Variants in PANK1 observed in about 807,000 individuals in gnomAD.
PANK1 encodes the protein pantothenic acid kinase 1.
In PANK1, 18 loss-of-function variants were observed where a neutral mutation model predicts 40.1. That is an observed-to-expected ratio of 0.45 (90% CI 0.31 to 0.67). The LOEUF is 0.67. Ranked by LOEUF, PANK1 falls within the 30% of genes least tolerant of loss-of-function variation. The pLI is 0.06. For missense variants in PANK1, 457 were observed against 599.6 expected, an observed-to-expected ratio of 0.76 and a Z score of 2.48; for synonymous variants, 242 against 237.7, an observed-to-expected ratio of 1.02 and a Z score of -0.17.
chr10:89,611,264 T>C (rs7091402), intron 2 of PANK1, among the ~76,000 whole-genome samples: 82,620 of 152,082 alleles, frequency 0.54, 23,321 homozygotes, highest in South Asian at 0.63. Flanking sequence ...AATGGGTAGA[T>C]AGAAGTAATC....
chr10:89,618,916 T>G lies in PANK1; in HGVS notation c.293-6868A>C, dbSNP rs1206783828. Among the ~76,000 whole-genome samples the G allele has an allele frequency of 2.6e-5, 4 of 152,240 alleles. No individual in the cohort carries two copies. In the East Asian group the frequency reaches 7.7e-4, roughly 29 times the overall value. On this transcript the variant is annotated intron_variant, in intron 1 of 6. Coordinates refer to ENST00000307534, the MANE Select transcript of PANK1 (RefSeq NM_148977.3). ...TGTAAGAAATAAACTTTTGTTGTTTTAAGCCAGAGAGATTTGAGGGTTATT... is the reference window on the plus strand; with the variant it reads ...TGTAAGAAATAAACTTTTGTTGTTTGAAGCCAGAGAGATTTGAGGGTTATT...
At chr10:89,643,593 A>T in intron 1 of PANK1, 1 of 859,126 alleles carries the variant, frequency 1.2e-6, no homozygotes, top group East Asian at 2.5e-5. Context: ...TTTGCCAAAC[A>T]TTAAACTTTC....
chr10:89,593,405 C>G (rs114802049), intron 4 of PANK1, 85 bp from the exon 5 acceptor site: 1 of 1,450,468 alleles, frequency 6.9e-7, no homozygotes, highest in African/African-American at 1.4e-5. Flanking sequence ...GAAGGCTCTA[C>G]GAGTAACTGT....
At chr10:89,580,309 A>AT (rs1270804817), downstream of PANK1, 1 of 152,206 alleles carries the variant, frequency 6.6e-6, no homozygotes, top group Non-Finnish European at 1.5e-5. Flanking sequence ...TCAACAGAGC[A>AT]TTTTGCTTTA....
At chr10:89,585,267 G>T (rs969157631) in intron 6 of PANK1, among the ~76,000 whole-genome samples, 3 of 152,064 alleles carry the variant, frequency 2.0e-5, no homozygotes, top group African/African-American at 4.8e-5. Flanking sequence ...ATTCATGAAG[G>T]CTCAGCCCTC....
chr10:89,590,294 AC>A (rs1844340983), intron 5 of PANK1, among the ~76,000 whole-genome samples: 1 of 152,140 alleles, frequency 6.6e-6, no homozygotes. Context: ...CCATAAATCA[AC>A]AAGAAAAAAA....
chr10:89,612,297 G>C (rs1404538057), intron 1 of PANK1, among the ~76,000 whole-genome samples: 1 of 152,170 alleles, frequency 6.6e-6, no homozygotes, highest in East Asian at 1.9e-4. Context: ...ATGAGAAATA[G>C]GATTCTGCAG....
chr10:89,593,938 C>T lies in PANK1; in HGVS notation c.951G>A (p.Glu317=). ...LGLCCLLTGC[E]TFEEALEMAA... ...CCATTTCCAGAGCTTCTTCAAAGGT[C>T]TCACAACCAGTCAGCAAGCAACATA... Residue 317 remains glutamate, a synonymous_variant, in exon 4 of 7, where the codon GAG becomes GAA. Transcript: ENST00000307534. The T allele has an allele frequency of 6.2e-7, 1 of 1,613,820 alleles. No individual in the cohort carries two copies. Among genetic ancestry groups the T allele is most frequent in the Non-Finnish European group, 8.5e-7 (1 of 1,179,706 alleles).
At chr10:89,600,670 C>T (rs980500330) in intron 2 of PANK1, among the ~76,000 whole-genome samples, 1 of 152,082 alleles carries the variant, frequency 6.6e-6, no homozygotes, top group Non-Finnish European at 1.5e-5. Context: ...GGGGAATGAC[C>T]TGGCTGAGGG....
chr10:89,641,139 A>G (rs1178233538), intron 1 of PANK1, among the ~76,000 whole-genome samples: 1 of 152,186 alleles, frequency 6.6e-6, no homozygotes, highest in African/African-American at 2.4e-5. Context: ...TGAACTTGCA[A>G]TGTCTCTTAT....
At chr10:89,589,913 T>C (rs1044693659) in intron 5 of PANK1, among the ~76,000 whole-genome samples, 4 of 151,726 alleles carry the variant, frequency 2.6e-5, no homozygotes, top group Non-Finnish European at 5.9e-5. Context: ...AAGGGAGGAT[T>C]TGCTCAAAGC....
At chr10:89,615,498 A>G (rs890847249) in intron 1 of PANK1, among the ~76,000 whole-genome samples, 10 of 152,224 alleles carry the variant, frequency 6.6e-5, no homozygotes, top group Admixed American at 3.3e-4. Flanking sequence ...ACTCAACAGA[A>G]CAATTGGAAA....
At chr10:89,640,254 C>T (rs1474412651) in intron 1 of PANK1, among the ~76,000 whole-genome samples, 2 of 152,162 alleles carry the variant, frequency 1.3e-5, no homozygotes, top group East Asian at 3.8e-4. Flanking sequence ...ACTGTCATGA[C>T]TTTTTCCACC....
rs973682532 is a variant in PANK1 at position 89,583,812 on chromosome 10, G to C, written c.*594C>G. On this transcript the variant is annotated 3_prime_UTR_variant, in exon 7 of 7. Coordinates refer to ENST00000307534, the MANE Select transcript of PANK1 (RefSeq NM_148977.3). ...TATGTCAAAGAAAGGTTACAGGTAGGGGGAGGGACATCATCTGAGGACAGA... is the reference window on the plus strand; with the variant it reads ...TATGTCAAAGAAAGGTTACAGGTAGCGGGAGGGACATCATCTGAGGACAGA... 6 of 152,310 alleles carry C rather than the reference G, an allele frequency of 3.9e-5. No individual in the cohort carries two copies. The highest frequency in any genetic ancestry group is 9.7e-5 in the African/African-American group (4 of 41,420). 9.4% of individuals were successfully genotyped at this position (152,310 alleles called of 1,614,324 possible).
chr10:89,638,143 CAG>C (rs1417903070), intron 1 of PANK1, among the ~76,000 whole-genome samples: 1 of 152,202 alleles, frequency 6.6e-6, no homozygotes, highest in African/African-American at 2.4e-5. Flanking sequence ...TCATCAAAAA[CAG>C]ATGAGCAACA....
At chr10:89,599,148 C>T in intron 3 of PANK1, 104 bp downstream of exon 3, 1 of 1,124,734 alleles carries the variant, frequency 8.9e-7, no homozygotes, top group Non-Finnish European at 1.3e-6. Flanking sequence ...CCAAGGAGGC[C>T]AAGATATTTC....
Position 89,588,791 on chromosome 10 carries a change from T to G in PANK1, c.1201-14A>C. On this transcript the variant is annotated splice_polypyrimidine_tract_variant and intron_variant, in intron 5 of 6. Coordinates refer to ENST00000307534, the MANE Select transcript of PANK1 (RefSeq NM_148977.3). ...TCTGTCTATGTTCTGGAAAAAATAT[T>G]AAAGAAAACAATTGAATCATGGCAT... 6.4e-7 allele frequency: 1 copy of G among 1,559,282 alleles called. No homozygotes were observed. Among genetic ancestry groups the G allele is most frequent in the Non-Finnish European group, 8.7e-7 (1 of 1,154,112 alleles).
intron 1 of PANK1, among the ~76,000 whole-genome samples, chr10:89,629,525 T>A (rs1011171729): frequency 6.6e-6 from 1 of 152,210 alleles, no homozygotes; most frequent in Non-Finnish European, 1.5e-5. Context: ...TTCTTTAGCA[T>A]TGGAACTTTT....
intron 2 of PANK1, among the ~76,000 whole-genome samples, chr10:89,600,421 A>C (rs148590694): frequency 1.3e-5 from 2 of 152,322 alleles, no homozygotes; most frequent in African/African-American, 4.8e-5. Flanking sequence ...AAATTTACTT[A>C]ACTGAATGAT....
Sources: gnomAD v4.1 joint callset for allele counts (sites outside exome capture counted in the v4.1 genomes callset) on GRCh38, gnomAD v4.1.1 for gene constraint, MANE v1.5 for transcripts, NCBI Gene and HGNC (gene_info 2026-07-23, HGNC 2026-07-21) for gene names.